The following TPCN2 variants were observed in gnomAD, a reference collection of about 807,000 sequenced individuals.
TPCN2 encodes the protein two pore segment channel 2, also known as two pore channel protein 2.
Under a neutral mutation model 111.4 loss-of-function variants are expected in TPCN2, and 92 were observed. The ratio of observed to expected loss-of-function variants is 0.83; its 90% CI spans 0.70 to 0.98. The LOEUF (loss-of-function observed/expected upper bound fraction) is 0.98. Ranked by LOEUF, TPCN2 falls within the 50% of genes least tolerant of loss-of-function variation. The pLI, the probability that TPCN2 is intolerant of heterozygous loss-of-function variation, is 0.00. For synonymous variants in TPCN2, 405 were observed against 414.5 expected (o/e 0.98, Z 0.28); for missense variants, 995 against 980.1 (o/e 1.02, Z -0.20).
At chr11:69,052,784 C>T (rs372766512) in intron 1 of TPCN2, among the ~76,000 whole-genome samples, 2 of 152,210 alleles carry the variant, frequency 1.3e-5, no homozygotes. Flanking sequence ...GGACCAGCAC[C>T]TCCTGAGGCC....
At chr11:69,078,826 G>C (rs1389109104) in intron 15 of TPCN2, 33 bp downstream of exon 15, 1 of 1,614,130 alleles carries the variant, frequency 6.2e-7, no homozygotes, top group South Asian at 1.1e-5. Flanking sequence ...GTCAGGGCCA[G>C]GGTGAGGCTG....
At chr11:69,057,754 G>A in intron 5 of TPCN2, 60 bp downstream of exon 5, 2 of 1,487,374 alleles carry the variant, frequency 1.3e-6, no homozygotes, top group Admixed American at 1.7e-5. Flanking sequence ...TGGGTGCAAG[G>A]CCCACGGGGG....
At chr11:69,056,960 C>T (rs1007696742) in intron 4 of TPCN2, among the ~76,000 whole-genome samples, 1 of 152,124 alleles carries the variant, frequency 6.6e-6, no homozygotes, top group Admixed American at 6.5e-5. Context: ...GCCTCAGCCT[C>T]CCAAGTAGCT....
rs1856286257 is a variant in TPCN2 at position 69,086,607 on chromosome 11, A to G, written c.2085+3A>G. On this transcript the variant is annotated splice_donor_region_variant and intron_variant, in intron 23 of 24. Coordinates refer to ENST00000294309, the MANE Select transcript of TPCN2 (RefSeq NM_139075.4). ...TGTTTCTGGCCCTGATTCTGGAGGT[A>G]TCAGAGATCCCCACCCAGGCTGTTC... 1.2e-6 allele frequency: 2 copies of G among 1,613,280 alleles called. No homozygotes were observed. The highest frequency in any genetic ancestry group is 2.7e-5 in the African/African-American group (2 of 74,808).
chr11:69,085,326 G>T (rs2134643534), intron 20 of TPCN2, 40 bp downstream of exon 20: 4 of 1,527,280 alleles, frequency 2.6e-6, no homozygotes, highest in Middle Eastern at 1.7e-4. Context: ...GTGTCTCAGG[G>T]GTGCTGGGGT....
chr11:69,079,671 G>A (rs1855926289), intron 16 of TPCN2, 163 bp from the exon 17 acceptor site: 2 of 607,820 alleles, frequency 3.3e-6, no homozygotes, highest in Non-Finnish European at 5.7e-6. Flanking sequence ...AAGAAGTCCT[G>A]ACATCTGGAA....
At chr11:69,053,161 C>G (rs1429882596) in intron 1 of TPCN2, among the ~76,000 whole-genome samples, 1 of 152,230 alleles carries the variant, frequency 6.6e-6, no homozygotes, top group Non-Finnish European at 1.5e-5. Context: ...CTGACTTTTC[C>G]TGAAGGCCCC....
In TPCN2 at chr11:69,078,618, C is replaced by T. The variant is rs1448381417; in HGVS notation, c.1350+17C>T. 6.2e-6 allele frequency: 10 copies of T among 1,613,866 alleles called. No individual in the cohort carries two copies. The highest frequency in any genetic ancestry group is 8.5e-6 in the Non-Finnish European group (10 of 1,180,006). Reference sequence around the variant, plus strand: ...TCCATTTGCGTGAGTGTGGATTTGCCCCAGAGCTGGCACGGAAGTGCCGGT... The same window carrying T: ...TCCATTTGCGTGAGTGTGGATTTGCTCCAGAGCTGGCACGGAAGTGCCGGT... On this transcript the variant is annotated intron_variant, in intron 14 of 24. Coordinates refer to ENST00000294309, the MANE Select transcript of TPCN2 (RefSeq NM_139075.4).
In TPCN2 at chr11:69,090,228, C is replaced by A. The variant is rs1394963108; in HGVS notation, c.*2275C>A. 1 of 62,246 alleles carries A rather than the reference C, an allele frequency of 1.6e-5. No homozygotes were observed. The highest frequency in any genetic ancestry group is 3.5e-5 in the African/African-American group (1 of 28,292). 3.9% of individuals were successfully genotyped at this position (62,246 alleles called of 1,614,324 possible). ...TTCACAGCTGGGAATGATACTAATA[C>A]CTCCGATTTTAGCCCAGCACCACAG... is the stretch of plus-strand genomic sequence containing the variant. On this transcript the variant is annotated 3_prime_UTR_variant, in exon 25 of 25. Transcript: ENST00000294309.
chr11:69,076,529 G>A (rs549637963), intron 13 of TPCN2, among the ~76,000 whole-genome samples: 6 of 151,642 alleles, frequency 4.0e-5, no homozygotes, highest in Non-Finnish European at 8.8e-5. Context: ...TCCGGAAACC[G>A]CAGGGGAGGC....
At chr11:69,075,651 G>A (rs12363547) in intron 13 of TPCN2, among the ~76,000 whole-genome samples, 67,668 of 152,046 alleles carry the variant, frequency 0.45, 15,408 homozygotes, top group Non-Finnish European at 0.5. Flanking sequence ...GTCCTTTCTC[G>A]GCAGGCTGAC....
chr11:69,063,851 C>T (rs1855134387), intron 6 of TPCN2, 44 bp from the exon 7 acceptor site: 2 of 1,602,330 alleles, frequency 1.2e-6, no homozygotes, highest in Non-Finnish European at 1.7e-6. Flanking sequence ...GTGTCCCTGC[C>T]TGCCCGCCGC....
intron 1 of TPCN2, among the ~76,000 whole-genome samples, chr11:69,051,198 G>A (rs1444292550): frequency 6.6e-6 from 1 of 152,252 alleles, no homozygotes. Flanking sequence ...CCTGCTGTTG[G>A]GTCGTTTTGA....
rs1311357632 is a variant in TPCN2 at position 69,090,493 on chromosome 11, A to G, written c.*2540A>G. 6.6e-6 allele frequency: 1 copy of G among 152,196 alleles called. No homozygotes were observed. The highest frequency in any genetic ancestry group is 6.5e-5 in the Admixed American group (1 of 15,272). 9.4% of individuals were successfully genotyped at this position (152,196 alleles called of 1,614,324 possible). ...CTTCAGCAAACAGCTTTCCAAATGGAAGTTGTCACTGTCAGGGCCTTTACA... is the reference window on the plus strand; with the variant it reads ...CTTCAGCAAACAGCTTTCCAAATGGGAGTTGTCACTGTCAGGGCCTTTACA... On this transcript the variant is annotated 3_prime_UTR_variant, in exon 25 of 25. Transcript: ENST00000294309.
At chr11:69,080,688 C>T (rs894147286) in intron 17 of TPCN2, among the ~76,000 whole-genome samples, 4 of 152,168 alleles carry the variant, frequency 2.6e-5, no homozygotes, top group African/African-American at 9.7e-5. Context: ...CAGCAAGAGC[C>T]TTGCTATTCC....
chr11:69,055,291 G>A lies in TPCN2; in HGVS notation c.368G>A (p.Gly123Asp), dbSNP rs559693513. The A allele has an allele frequency of 3.7e-6, 6 of 1,613,810 alleles. No individual in the cohort carries two copies. Among genetic ancestry groups the A allele is most frequent in the Admixed American group, 3.3e-5 (2 of 59,998 alleles). Residue 123 changes from glycine (G) to aspartate (D), a missense_variant, in exon 4 of 25, where the codon GGC (glycine) becomes GAC (aspartate). By Grantham distance (94) the Gly-to-Asp change is moderately conservative. Transcript: ENST00000294309. ...YRAAPWEPPC[G>D]LTESVEVLCL... The stretch of plus-strand genomic sequence containing the variant: ...GCTGCTCCCTGGGAGCCGCCCTGCG[G>A]CCTGACCGAGAGTGTCGAGGTGCTC...
In TPCN2 at chr11:69,062,980, G is replaced by A. The variant is rs1385459268; in HGVS notation, c.643G>A (p.Glu215Lys). The change falls in exon 6 of 25, where the codon GAA becomes AAA. Residue 215 changes from glutamate (E) to lysine (K), a missense_variant. Transcript: ENST00000294309. ...TLKCIRWSLP[E>K]MASVGLLLAI... ...GAAATGCATCCGCTGGTCGCTGCCG[G>A]AAATGGCCAGGTGGGCTCTTGGTGC... 3 of 1,613,764 alleles carry A rather than the reference G, an allele frequency of 1.9e-6. No individual in the cohort carries two copies. In the African/African-American group the frequency reaches 4.0e-5, roughly 22 times the overall value.
At chr11:69,074,460 A>C (rs1855667423) in intron 13 of TPCN2, among the ~76,000 whole-genome samples, 1 of 152,172 alleles carries the variant, frequency 6.6e-6, no homozygotes, top group Admixed American at 6.5e-5. Context: ...ATACGAAATA[A>C]ATTTTACCAG....
Position 69,062,977 on chromosome 11 carries a change from C to T in TPCN2, c.640C>T (p.Pro214Ser). Residue 214 changes from proline (P) to serine (S), a missense_variant, in exon 6 of 25, where the codon CCG becomes TCG. Pro to Ser is a moderately conservative substitution (Grantham distance 74, BLOSUM62 -1). Coordinates refer to ENST00000294309, the MANE Select transcript of TPCN2 (RefSeq NM_139075.4). ...KTLKCIRWSL[P>S]EMASVGLLLA... ...CTTGAAATGCATCCGCTGGTCGCTG[C>T]CGGAAATGGCCAGGTGGGCTCTTGG... 2.5e-6 allele frequency: 4 copies of T among 1,613,910 alleles called. No individual in the cohort carries two copies. Among genetic ancestry groups the T allele is most frequent in the Non-Finnish European group, 3.4e-6 (4 of 1,179,810 alleles).
Sources: allele counts gnomAD v4.1 joint callset (sites outside exome capture counted in the v4.1 genomes callset), GRCh38; gene constraint gnomAD v4.1.1; transcripts MANE v1.5; gene names NCBI Gene and HGNC (gene_info 2026-07-23, HGNC 2026-07-21).